Variants in LAMA4 observed in about 807,000 individuals in gnomAD.
LAMA4 encodes laminin subunit alpha-4.
In LAMA4, 127 loss-of-function variants were observed where a neutral mutation model predicts 207.1. That is an observed-to-expected ratio of 0.61 (90% confidence interval 0.53 to 0.71). The LOEUF is 0.71. Among genes scored for constraint, LAMA4 ranks in the 30% least tolerant of loss-of-function variants. The pLI, the probability that LAMA4 is intolerant of heterozygous loss-of-function variation, is 0.00. For synonymous variants in LAMA4, 761 were observed against 816.0 expected (o/e 0.93, Z 1.15); for missense variants, 2,093 against 2,246.5 (o/e 0.93, Z 1.38).
At chr6:112,175,167 CCT>C in intron 11 of LAMA4, 144 bp downstream of exon 11, 1 of 803,056 alleles carries the variant, frequency 1.2e-6, no homozygotes, top group Non-Finnish European at 2.1e-6. Flanking sequence ...TGAATGATTC[CCT>C]GTGGCCACAT....
intron 3 of LAMA4, chr6:112,213,885 G>A: frequency 2.0e-6 from 1 of 507,952 alleles, no homozygotes; most frequent in Non-Finnish European, 3.6e-6. Flanking sequence ...TTTATTTTTG[G>A]TTGCTTACAG....
intron 2 of LAMA4, among the ~76,000 whole-genome samples, chr6:112,250,248 G>GA (rs1787342114): frequency 6.6e-6 from 1 of 152,028 alleles, no homozygotes; most frequent in Admixed American, 6.6e-5. Flanking sequence ...ACCAAGATAA[G>GA]AAAAAAGAAA....
In LAMA4 at chr6:112,130,016, G is replaced by A. The variant is rs192393668; in HGVS notation, c.3993C>T (p.Ser1331=). 2.5e-6 allele frequency: 4 copies of A among 1,612,942 alleles called. No homozygotes were observed. The East Asian group carries it at 8.9e-5, about 36-fold the overall frequency. Residue 1331 remains serine (S), a synonymous_variant, in exon 30 of 39, where the codon AGC becomes AGT. Transcript: ENST00000230538. The part of the protein sequence containing the change: ...PTRYELIVDK[S]RVGSKNPTKG... ...TGGTAGGATTCTTACTCCCAACTCT[G>A]CTTTTATCTACTATCAGTTCATATC...
intron 25 of LAMA4, chr6:112,135,865 C>G (rs113903714): frequency 7.8e-4 from 321 of 410,190 alleles, no homozygotes; most frequent in African/African-American, 6.3e-3. Context: ...TTAATAGAAG[C>G]CTTCTGGTTA....
intron 19 of LAMA4, among the ~76,000 whole-genome samples, chr6:112,144,281 G>A (rs1483677621): frequency 1.3e-5 from 2 of 152,242 alleles, no homozygotes; most frequent in South Asian, 2.1e-4. Flanking sequence ...TAGCCAGTAT[G>A]TGATTCCTCA....
intron 3 of LAMA4, among the ~76,000 whole-genome samples, chr6:112,208,435 GT>G (rs1554355222): frequency 1.3e-5 from 2 of 152,114 alleles, no homozygotes; most frequent in African/African-American, 4.8e-5. Flanking sequence ...CCTGAAGTAG[GT>G]TCCTATTTCC....
intron 16 of LAMA4, among the ~76,000 whole-genome samples, chr6:112,153,258 A>G (rs1372380992): frequency 6.6e-6 from 1 of 152,126 alleles, no homozygotes; most frequent in Non-Finnish European, 1.5e-5. Flanking sequence ...AATTCAGTAG[A>G]TGACTATGGT....
chr6:112,225,490 C>T (rs1238137260), intron 2 of LAMA4, among the ~76,000 whole-genome samples: 1 of 152,334 alleles, frequency 6.6e-6, no homozygotes, highest in Admixed American at 6.5e-5. Flanking sequence ...TAGAATGACA[C>T]AATGTAAGCA....
chr6:112,155,179 C>A, intron 15 of LAMA4: 1 of 601,042 alleles, frequency 1.7e-6, no homozygotes. Flanking sequence ...AGAACAAAGC[C>A]CTGGCCAAGG....
chr6:112,145,473 T>G (rs1011525544), intron 18 of LAMA4, among the ~76,000 whole-genome samples: 12 of 152,184 alleles, frequency 7.9e-5, no homozygotes, highest in Non-Finnish European at 1.5e-4. Flanking sequence ...GAGAGAAAGT[T>G]AAGCTGCTAA....
At chr6:112,237,691 G>A (rs1194208914) in intron 2 of LAMA4, among the ~76,000 whole-genome samples, 2 of 152,124 alleles carry the variant, frequency 1.3e-5, no homozygotes, top group Admixed American at 6.5e-5. Context: ...ACACACATCA[G>A]CAGCAACTTT....
At chr6:112,158,974 A>G (rs1228114061) in intron 13 of LAMA4, 94 bp from the exon 14 acceptor site, 1 of 883,792 alleles carries the variant, frequency 1.1e-6, no homozygotes, top group East Asian at 2.6e-5. Flanking sequence ...CTTTCTTATT[A>G]TGAAGGTCAG....
At chr6:112,139,480 C>T (rs1381417154) in intron 23 of LAMA4, among the ~76,000 whole-genome samples, 189 bp from the exon 24 acceptor site, 1 of 152,152 alleles carries the variant, frequency 6.6e-6, no homozygotes, top group Non-Finnish European at 1.5e-5. Flanking sequence ...TCTTCTGTAT[C>T]CTGTGTGCTA....
At chr6:112,234,847 G>A (rs1304805022) in intron 2 of LAMA4, 1 of 152,172 alleles carries the variant, frequency 6.6e-6, no homozygotes, top group Non-Finnish European at 1.5e-5. Context: ...TTTGAGACCA[G>A]GAAGAGCCCA....
chr6:112,121,867 G>C (rs934590566), intron 32 of LAMA4, 147 bp downstream of exon 32: 1 of 707,096 alleles, frequency 1.4e-6, no homozygotes, highest in Non-Finnish European at 2.6e-6. Context: ...CATAAATCAT[G>C]TACTATTTAG....
intron 22 of LAMA4, among the ~76,000 whole-genome samples, chr6:112,140,247 A>G (rs1779610506): frequency 6.6e-6 from 1 of 152,166 alleles, no homozygotes; most frequent in Admixed American, 6.5e-5. Flanking sequence ...CATAACTAGT[A>G]ATAATAGTCC....
In LAMA4 at chr6:112,139,766, T is replaced by C. The variant is rs782118214; in HGVS notation, c.3096A>G (p.Ser1032=). ...CTGTCTCTTACCGGGCACATGGCACTGATGTGGAGGGGTCCATATTATAGA... is the reference window on the plus strand; with the variant it reads ...CTGTCTCTTACCGGGCACATGGCACCGATGTGGAGGGGTCCATATTATAGA... The part of the protein sequence containing the change: ...KHIYNMDPST[S]VPCARDKLAF... The change falls in exon 23 of 39, where the codon TCA becomes TCG. Residue 1032 remains serine (S), a synonymous_variant. Coordinates refer to ENST00000230538, the MANE Select transcript of LAMA4 (RefSeq NM_001105206.3). The C allele has an allele frequency of 6.2e-7, 1 of 1,614,062 alleles. No individual in the cohort carries two copies. Among genetic ancestry groups the C allele is most frequent in the Non-Finnish European group, 8.5e-7 (1 of 1,179,894 alleles).
chr6:112,163,617 C>G (rs1404047155), intron 13 of LAMA4, among the ~76,000 whole-genome samples: 2 of 152,072 alleles, frequency 1.3e-5, no homozygotes, highest in African/African-American at 4.8e-5. Flanking sequence ...ATGGAACCCC[C>G]TTCAGAAACG....
intron 38 of LAMA4, among the ~76,000 whole-genome samples, chr6:112,110,917 T>C (rs1421830061): frequency 6.6e-6 from 1 of 152,220 alleles, no homozygotes; most frequent in African/African-American, 2.4e-5. Flanking sequence ...AATTAATGCA[T>C]AATTTTTAGA....
Sources: gnomAD v4.1 joint callset for allele counts (sites outside exome capture counted in the v4.1 genomes callset) on GRCh38, gnomAD v4.1.1 for gene constraint, MANE v1.5 for transcripts, NCBI Gene and HGNC (gene_info 2026-07-23, HGNC 2026-07-21) for gene names.